FCRL1: variants seen among roughly 807,000 people sequenced by gnomAD.
FCRL1 encodes Fc receptor-like protein 1.
Under a neutral mutation model 49.2 loss-of-function variants are expected in FCRL1, and 34 were observed. That is an observed-to-expected ratio of 0.69 (90% CI 0.53 to 0.92). The LOEUF (loss-of-function observed/expected upper bound fraction) is 0.92. FCRL1 is among the 40% of genes least tolerant of loss of function. FCRL1 has a pLI of 0.00. For missense variants in FCRL1, 524 were observed against 524.1 expected, an observed-to-expected ratio of 1.00 and a Z score of 0.00; for synonymous variants, 218 against 201.6, an observed-to-expected ratio of 1.08 and a Z score of -0.69.
At chr1:157,804,248 C>A (rs1016757282) in intron 2 of FCRL1, 137 bp from the exon 3 acceptor site, 8 of 941,340 alleles carry the variant, frequency 8.5e-6, no homozygotes, top group East Asian at 8.0e-5. Context: ...ATGTCTCCAC[C>A]CCCCCCCCAG....
rs7536731 is a variant in FCRL1, at chr1:157,809,448, A to C, written c.32-2326T>G. Among the ~76,000 whole-genome samples, 58 of 152,256 alleles carry C rather than the reference A, an allele frequency of 3.8e-4. No homozygotes were observed. The East Asian group carries it at 0.01, about 27-fold the overall frequency. ...ACAAAAACAAAAACAAACAAAAAAA[A>C]CCACAAATGATTTGGGGGAGATGGA... On this transcript the variant is annotated intron_variant, in intron 1 of 10. Coordinates refer to ENST00000368176, the MANE Select transcript of FCRL1 (RefSeq NM_052938.5).
At chr1:157,818,701 C>G (rs1468368077) in intron 1 of FCRL1, among the ~76,000 whole-genome samples, 1 of 152,084 alleles carries the variant, frequency 6.6e-6, no homozygotes. Context: ...GTATGGCGTT[C>G]TTTCTTGGGT....
intron 7 of FCRL1, among the ~76,000 whole-genome samples, chr1:157,799,784 A>C (rs911631767): frequency 6.6e-6 from 1 of 152,140 alleles, no homozygotes; most frequent in Non-Finnish European, 1.5e-5. Flanking sequence ...TAAAACTTAA[A>C]GTATAATAAT....
intron 1 of FCRL1, among the ~76,000 whole-genome samples, chr1:157,815,508 A>G (rs1458644165): frequency 3.9e-5 from 6 of 151,952 alleles, no homozygotes; most frequent in Non-Finnish European, 7.4e-5. Flanking sequence ...AATAGAAGAA[A>G]GATCTAAAAT....
At chr1:157,808,457 G>A (rs1046876609) in intron 1 of FCRL1, among the ~76,000 whole-genome samples, 2 of 152,172 alleles carry the variant, frequency 1.3e-5, no homozygotes, top group African/African-American at 4.8e-5. Flanking sequence ...AACATCGAAT[G>A]CAAGTATCCT....
chr1:157,800,323 G>A (rs1652238600), intron 6 of FCRL1, among the ~76,000 whole-genome samples: 1 of 152,150 alleles, frequency 6.6e-6, no homozygotes, highest in Non-Finnish European at 1.5e-5. Context: ...CCAGATCTAG[G>A]ACTTGGGACC....
At position 157,813,711 on chromosome 1, in the gene FCRL1, A is replaced by G. The variant is rs559850684; in HGVS notation, c.31+6296T>C. On this transcript the variant is annotated intron_variant, in intron 1 of 10. Transcript: ENST00000368176. Reference sequence around the variant, plus strand: ...AGCTGAAAACGACTCAAGTCTTGGGATGGATATGAACAACCAAATCCATGA... The same window carrying G: ...AGCTGAAAACGACTCAAGTCTTGGGGTGGATATGAACAACCAAATCCATGA... Among the ~76,000 whole-genome samples, 11 of 152,320 alleles carry G rather than the reference A, an allele frequency of 7.2e-5. No individual in the cohort carries two copies. In the East Asian group the frequency reaches 2.1e-3, roughly 29 times the overall value.
At chr1:157,802,766 C>A in intron 3 of FCRL1, 102 bp from the exon 4 acceptor site, 1 of 1,237,052 alleles carries the variant, frequency 8.1e-7, no homozygotes, top group South Asian at 1.5e-5. Flanking sequence ...TGAGTGAAGT[C>A]AATGATGTAT....
At chr1:157,803,368 T>C (rs943586138) in intron 3 of FCRL1, among the ~76,000 whole-genome samples, 1 of 152,244 alleles carries the variant, frequency 6.6e-6, no homozygotes, top group African/African-American at 2.4e-5. Flanking sequence ...CTTTTCTTTC[T>C]ATTTTTTGGA....
At chr1:157,800,154 C>A in intron 6 of FCRL1, 69 bp from the exon 7 acceptor site, 1 of 1,502,956 alleles carries the variant, frequency 6.7e-7, no homozygotes, top group South Asian at 1.2e-5. Context: ...TCAGTGTTTT[C>A]ATACCCCCTG....
intron 1 of FCRL1, among the ~76,000 whole-genome samples, chr1:157,812,966 C>T (rs1240329699): frequency 6.6e-6 from 1 of 152,166 alleles, no homozygotes; most frequent in African/African-American, 2.4e-5. Flanking sequence ...GCCTAGGCCA[C>T]TGAGGCACAC....
In FCRL1 at chr1:157,795,051, A is replaced by G. The variant is rs953996241; in HGVS notation, c.*1048T>C. 1 of 152,366 alleles carries G rather than the reference A, an allele frequency of 6.6e-6. No individual in the cohort carries two copies. Among genetic ancestry groups the G allele is most frequent in the South Asian group, 2.1e-4 (1 of 4,826 alleles). 9.4% of individuals were successfully genotyped at this position (152,366 alleles called of 1,614,324 possible). A position where few individuals can be genotyped will look rare whatever the true frequency, so the allele number is the denominator to read the frequency against. On this transcript the variant is annotated 3_prime_UTR_variant, in exon 11 of 11. Transcript: ENST00000368176. Reference sequence around the variant, plus strand: ...TAACATTTGTGTTAACTTACAGGAAAGACTTTAACTTTTTACTTTATATAC... The same window carrying G: ...TAACATTTGTGTTAACTTACAGGAAGGACTTTAACTTTTTACTTTATATAC...
chr1:157,804,253 C>CCCT (rs1012398083), intron 2 of FCRL1, 142 bp from the exon 3 acceptor site: 2 of 942,124 alleles, frequency 2.1e-6, no homozygotes, highest in Middle Eastern at 3.4e-4. Context: ...TCCACCCCCC[C>CCCT]CCCAGTGGCC....
chr1:157,798,289 G>T, intron 7 of FCRL1, 46 bp from the exon 8 acceptor site: 1 of 1,451,830 alleles, frequency 6.9e-7, no homozygotes, highest in Non-Finnish European at 9.5e-7. Context: ...TTGCATCCCA[G>T]ATCATGCAGA....
intron 2 of FCRL1, among the ~76,000 whole-genome samples, chr1:157,805,519 G>A (rs1653293282): frequency 6.6e-6 from 1 of 152,176 alleles, no homozygotes; most frequent in Non-Finnish European, 1.5e-5. Flanking sequence ...ATATCTTAGA[G>A]TCACTGTCTT....
chr1:157,805,386 A>G (rs931858484), intron 2 of FCRL1, among the ~76,000 whole-genome samples: 1 of 152,238 alleles, frequency 6.6e-6, no homozygotes, highest in African/African-American at 2.4e-5. Context: ...GCTTTGGATT[A>G]CTAAAGGGTG....
In FCRL1 at chr1:157,797,888, G is replaced by A. The variant is rs370658792; in HGVS notation, c.1166C>T (p.Pro389Leu). The change falls in exon 9 of 11, where the codon CCG (proline) becomes CTG (leucine). Residue 389 changes from proline (P) to leucine (L), a missense_variant. Coordinates refer to ENST00000368176, the MANE Select transcript of FCRL1 (RefSeq NM_052938.5). ...CTCACCTGCTACTGATTCCTGCTCC[G>A]GCTGGTTATAGTACGCCAGTGAATA... ...EVYSLAYYNQ[P>L]EQESVAAETL... is the part of the protein sequence containing the mutation. The A allele has an allele frequency of 5.2e-5, 84 of 1,614,124 alleles. No individual in the cohort carries two copies. Among genetic ancestry groups the A allele is most frequent in the Non-Finnish European group, 6.4e-5 (75 of 1,180,014 alleles).
chr1:157,796,455 T>C (rs1651500900), intron 10 of FCRL1, among the ~76,000 whole-genome samples: 1 of 152,196 alleles, frequency 6.6e-6, no homozygotes, highest in African/African-American at 2.4e-5. Flanking sequence ...TGTCATTTTT[T>C]AAAAGGTTGT....
rs1402571419 is a variant in FCRL1 at position 157,795,916 on chromosome 1, C to T, written c.*183G>A. 1.9e-5 allele frequency: 11 copies of T among 567,206 alleles called. No homozygotes were observed. Among genetic ancestry groups the T allele is most frequent in the Non-Finnish European group, 6.3e-6 (2 of 316,994 alleles). The allele number at this position is 567,206 out of a possible 1,614,324, so 35.1% of individuals were successfully genotyped here. ...TGTCACTCCTGTGTCTATTAGTTCT[C>T]CTAGGTAGTTTCTTCAGGGCTGCGC... On this transcript the variant is annotated 3_prime_UTR_variant, in exon 11 of 11. Transcript: ENST00000368176.
Sources: gnomAD v4.1 joint callset for allele counts (sites outside exome capture counted in the v4.1 genomes callset) on GRCh38, gnomAD v4.1.1 for gene constraint, MANE v1.5 for transcripts, NCBI Gene and HGNC (gene_info 2026-07-23, HGNC 2026-07-21) for gene names.